Variants in FANCM observed in about 807,000 individuals in gnomAD.
The protein encoded by FANCM is FA complementation group M.
FANCM carries 140 observed loss-of-function variants against 199.5 expected under a neutral mutation model. That is an observed-to-expected ratio of 0.70 (90% confidence interval 0.61 to 0.81). The LOEUF (loss-of-function observed/expected upper bound fraction) is 0.81, where lower values mean the gene tolerates loss of function less well. Ranked by LOEUF, FANCM falls within the 30% of genes least tolerant of loss-of-function variation. The pLI, the probability that FANCM is intolerant of heterozygous loss-of-function variation, is 0.00. For synonymous variants in FANCM, 840 were observed against 836.8 expected, an observed-to-expected ratio of 1.00 and a Z score of -0.07; for missense variants, 2,410 against 2,421.4, an observed-to-expected ratio of 1.00 and a Z score of 0.10.
chr14:45,164,329 G>A (rs751785201), intron 9 of FANCM, 30 bp from the exon 10 acceptor site: 2 of 1,520,506 alleles, frequency 1.3e-6, no homozygotes, highest in South Asian at 1.1e-5. Context: ...ACATTTGCAT[G>A]TAGTTATTTT....
At chr14:45,195,583 TGG>T (rs1224652437) in intron 20 of FANCM, 3 of 456,392 alleles carry the variant, frequency 6.6e-6, no homozygotes, top group African/African-American at 6.0e-5. Flanking sequence ...AAAGGAAAGC[TGG>T]GTATGTTCTG....
At chr14:45,194,604 T>C (rs922979680) in intron 20 of FANCM, among the ~76,000 whole-genome samples, 4 of 152,152 alleles carry the variant, frequency 2.6e-5, no homozygotes, top group African/African-American at 9.7e-5. Context: ...CATACACCAT[T>C]GTATGATTAT....
In FANCM at chr14:45,176,218, A is replaced by G. The variant is rs1441735730; in HGVS notation, c.3464A>G (p.Lys1155Arg). ...GTGAGTCTTTCACCCTTGAACAGTA[A>G]AAGCGAATCTTTACCTGTGTCAGAC... is the stretch of plus-strand genomic sequence containing the variant. ...DDVSLSPLNS[K>R]SESLPVSDKT... Residue 1155 changes from lysine (K) to arginine (R), a missense_variant, in exon 14 of 23, where the codon AAA (lysine) becomes AGA (arginine). Transcript: ENST00000267430. 6.2e-7 allele frequency: 1 copy of G among 1,614,096 alleles called. No homozygotes were observed. The highest frequency in any genetic ancestry group is 1.1e-5 in the South Asian group (1 of 91,082).
At chr14:45,159,605 A>G (rs1323236011) in intron 9 of FANCM, among the ~76,000 whole-genome samples, 1 of 152,206 alleles carries the variant, frequency 6.6e-6, no homozygotes, top group Non-Finnish European at 1.5e-5. Flanking sequence ...GTAAACATAC[A>G]TCATAGAGTT....
intron 10 of FANCM, 50 bp downstream of exon 10, chr14:45,164,615 C>T (rs1887837457): frequency 7.3e-7 from 1 of 1,372,688 alleles, no homozygotes; most frequent in Non-Finnish European, 1.0e-6. Context: ...TTGAGAAATA[C>T]AGCCCAAAGG....
In FANCM at chr14:45,196,530, A is replaced by G. The variant is rs2139320872; in HGVS notation, c.5699A>G (p.Lys1900Arg). The G allele has an allele frequency of 1.2e-6, 2 of 1,613,870 alleles. No individual in the cohort carries two copies. The highest frequency in any genetic ancestry group is 8.5e-7 in the Non-Finnish European group (1 of 1,179,976). Reference sequence around the variant, plus strand: ...GAAAGAATATGTGTGATTGTGGAAAAGGACAGAGAAAAAACAGGTTTGTAT... The same window carrying G: ...GAAAGAATATGTGTGATTGTGGAAAGGGACAGAGAAAAAACAGGTTTGTAT... ...MFERICVIVEKDREKTGDTSR... is the reference protein window; with the variant it reads ...MFERICVIVERDREKTGDTSR... The change falls in exon 21 of 23, where the codon AAG becomes AGG. Residue 1900 changes from lysine to arginine, a missense_variant. Coordinates refer to ENST00000267430, the MANE Select transcript of FANCM (RefSeq NM_020937.4).
chr14:45,145,522 A>G (rs1886299947), intron 3 of FANCM, among the ~76,000 whole-genome samples: 1 of 152,174 alleles, frequency 6.6e-6, no homozygotes, highest in South Asian at 2.1e-4. Flanking sequence ...ACTTAGTTCA[A>G]TGCACAGTCT....
At chr14:45,159,072 TAA>T (rs1335434990) in intron 8 of FANCM, 22 bp from the exon 9 acceptor site, 1 of 1,435,594 alleles carries the variant, frequency 7.0e-7, no homozygotes, top group Admixed American at 2.0e-5. Context: ...AAGTTGTAAT[TAA>T]AGTTTTTATA....
chr14:45,192,600 G>A (rs947080770), intron 20 of FANCM, among the ~76,000 whole-genome samples: 24 of 152,122 alleles, frequency 1.6e-4, no homozygotes, highest in African/African-American at 4.6e-4. Context: ...CCAAGATTGC[G>A]CCACTGCACT....
intron 10 of FANCM, among the ~76,000 whole-genome samples, chr14:45,166,242 C>A (rs1206606072): frequency 6.6e-6 from 1 of 152,006 alleles, no homozygotes; most frequent in Non-Finnish European, 1.5e-5. Context: ...AGCGATTCTC[C>A]TGTCTCAGCC....
At chr14:45,179,573 TTTTTTTTTG>T (rs1174354518) in intron 14 of FANCM, among the ~76,000 whole-genome samples, 1 of 139,202 alleles carries the variant, frequency 7.2e-6, no homozygotes, top group African/African-American at 2.9e-5. Context: ...TTTTTTTTTT[TTTTTTTTTG>T]AGACAGTCTC....
At chr14:45,185,186 A>G (rs1566777683) in intron 17 of FANCM, 31 bp from the exon 18 acceptor site, 1 of 1,420,822 alleles carries the variant, frequency 7.0e-7, no homozygotes, top group Admixed American at 1.7e-5. Context: ...TCTCACTGAT[A>G]TCTTCATGTT....
At chr14:45,190,875 A>G (rs1053733554) in intron 20 of FANCM, among the ~76,000 whole-genome samples, 1 of 152,180 alleles carries the variant, frequency 6.6e-6, no homozygotes, top group Non-Finnish European at 1.5e-5. Context: ...TTAAAATCCC[A>G]AGATGAGTTC....
chr14:45,191,940 G>A (rs1038227534), intron 20 of FANCM, among the ~76,000 whole-genome samples: 2 of 151,700 alleles, frequency 1.3e-5, no homozygotes, highest in African/African-American at 2.4e-5. Flanking sequence ...TGACCTTGTT[G>A]TCATGTTTAG....
rs750921743 is a variant in FANCM at position 45,154,012 on chromosome 14, A to G, written c.1143A>G (p.Ser381=). The stretch of plus-strand genomic sequence containing the variant: ...TATTGCAGCAAATGGGAATGAGATC[A>G]TTATATTTCTTCCTTTGTGGAATTA... ...YELLQQMGMR[S]LYFFLCGIMD... Residue 381 remains serine, a synonymous_variant, in exon 6 of 23, where the codon TCA becomes TCG. Coordinates refer to ENST00000267430, the MANE Select transcript of FANCM (RefSeq NM_020937.4). 25 of 1,577,930 alleles carry G rather than the reference A, an allele frequency of 1.6e-5. No individual in the cohort carries two copies. The highest frequency in any genetic ancestry group is 3.3e-4 in the Middle Eastern group (2 of 5,994).
At chr14:45,197,496 G>C (rs1472268443) in intron 21 of FANCM, among the ~76,000 whole-genome samples, 1 of 148,280 alleles carries the variant, frequency 6.7e-6, no homozygotes, top group Admixed American at 6.8e-5. Flanking sequence ...ACAGAGTCTC[G>C]CTCTGTTGCC....
chr14:45,175,157 T>C lies in FANCM; in HGVS notation c.2403T>C (p.Ser801=), dbSNP rs1207265002. Residue 801 remains serine (S), a synonymous_variant, in exon 14 of 23, where the codon TCT becomes TCC. Coordinates refer to ENST00000267430, the MANE Select transcript of FANCM (RefSeq NM_020937.4). The part of the protein sequence containing the change: ...TSTFIAPRNE[S]NNLASDTFIT... Reference sequence around the variant, plus strand: ...CATTTATTGCTCCCAGGAATGAATCTAATAATCTTGCCAGTGACACCTTTA... The same window carrying C: ...CATTTATTGCTCCCAGGAATGAATCCAATAATCTTGCCAGTGACACCTTTA... 1 of 1,611,724 alleles carries C rather than the reference T, an allele frequency of 6.2e-7. No homozygotes were observed. Among genetic ancestry groups the C allele is most frequent in the Non-Finnish European group, 8.5e-7 (1 of 1,178,434 alleles).
Position 45,135,994 on chromosome 14 carries a change from C to G in FANCM, c.-38C>G. 1 of 1,610,560 alleles carries G rather than the reference C, an allele frequency of 6.2e-7. No homozygotes were observed. Among genetic ancestry groups the G allele is most frequent in the Non-Finnish European group, 8.5e-7 (1 of 1,178,526 alleles). The stretch of plus-strand genomic sequence containing the variant: ...CGTAGCGGTTGAGCTGCTGCTGCTA[C>G]GGATATCTGACAGAAGCCTTCGGTG... On this transcript the variant is annotated 5_prime_UTR_variant, in exon 1 of 23. Coordinates refer to ENST00000267430, the MANE Select transcript of FANCM (RefSeq NM_020937.4).
At chr14:45,198,427 C>T (rs1485402974) in intron 21 of FANCM, 2 of 406,954 alleles carry the variant, frequency 4.9e-6, no homozygotes, top group African/African-American at 4.0e-5. Context: ...CCTTATTCAC[C>T]TTTCTACGTT....
Sources: gnomAD v4.1 joint callset for allele counts (sites outside exome capture counted in the v4.1 genomes callset) on GRCh38, gnomAD v4.1.1 for gene constraint, MANE v1.5 for transcripts, NCBI Gene and HGNC (gene_info 2026-07-23, HGNC 2026-07-21) for gene names.